Variants in PPP1R13L observed in about 807,000 individuals in gnomAD.
PPP1R13L encodes the protein protein phosphatase 1 regulatory subunit 13 like.
A neutral mutation model predicts 80.9 loss-of-function variants in PPP1R13L; 50 were observed. That is an observed-to-expected ratio of 0.62 (90% CI 0.49 to 0.78). The LOEUF is 0.78. PPP1R13L is among the 30% of genes least tolerant of loss of function. PPP1R13L has a pLI of 0.00. For synonymous variants in PPP1R13L, 602 were observed against 534.3 expected (o/e 1.13, Z -1.75); for missense variants, 1,200 against 1,205.9 (o/e 1.00, Z 0.07).
chr19:45,396,091 G>C lies in PPP1R13L; in HGVS notation c.903+77C>G. ...ACCCAGATCGCAGCCCCGAGGGGGA[G>C]ACTGGCCTTGACCCCGCTCCCCCAC... On this transcript the variant is annotated intron_variant, in intron 6 of 12. Coordinates refer to ENST00000360957, the MANE Select transcript of PPP1R13L (RefSeq NM_006663.4). The surrounding 1 kb of genome is among the most constrained non-coding windows in gnomAD (Gnocchi z 5.3). 6.7e-7 allele frequency: 1 copy of C among 1,482,964 alleles called. No homozygotes were observed. Among genetic ancestry groups the C allele is most frequent in the East Asian group, 2.5e-5 (1 of 40,424 alleles). 91.9% of individuals were successfully genotyped at this position (1,482,964 alleles called of 1,614,324 possible).
In PPP1R13L at chr19:45,386,132, G is replaced by A. The variant is rs1163107289; in HGVS notation, c.1864C>T (p.Arg622Cys). Residue 622 changes from arginine to cysteine, a missense_variant, in exon 9 of 13, where the codon CGC becomes TGC. Arg to Cys is a radical substitution (Grantham distance 180). Transcript: ENST00000360957. ...AGCACCAGAGGGTTGAGGCGCGCGC[G>A]GCGGGCCTTGCGCGGGGAGCCCGCC... ...RKAGSPRKAR[R>C]ARLNPLVLLL... 5 of 1,545,026 alleles carry A rather than the reference G, an allele frequency of 3.2e-6. No individual in the cohort carries two copies. Among genetic ancestry groups the A allele is most frequent in the Non-Finnish European group, 3.5e-6 (4 of 1,157,916 alleles).
chr19:45,391,821 T>C, intron 8 of PPP1R13L, 59 bp downstream of exon 8: 1 of 1,334,598 alleles, frequency 7.5e-7, no homozygotes, highest in Admixed American at 2.7e-5. Flanking sequence ...GGGGGCTCTT[T>C]GCTACAGCTC....
rs1009640877 is a variant in PPP1R13L, at chr19:45,396,851, C to G, written c.406G>C (p.Asp136His). ...YLQPDAYGSL[D>H]RATSPRPRAF... ...CGGGGCCGGGGCGAGGTCGCGCGGT[C>G]CAGGCTGCCGTAGGCGTCCGGCTGC... The change falls in exon 4 of 13, where the codon GAC becomes CAC. Residue 136 changes from aspartate to histidine, a missense_variant. Physicochemically the swap from Asp to His is moderately conservative, Grantham distance 81 (BLOSUM62 -1). Around this residue, in one of 5 missense-constraint regions of PPP1R13L, gnomAD observed 764 missense variants for 714.5 expected, o/e 1.07. Transcript: ENST00000360957. This position sits in a 1 kb window ranked among gnomAD's most constrained non-coding sequence, Gnocchi z 5.3. 2.6e-5 allele frequency: 39 copies of G among 1,524,088 alleles called. No homozygotes were observed. The highest frequency in any genetic ancestry group is 3.4e-5 in the Non-Finnish European group (39 of 1,145,432). 94.4% of individuals were successfully genotyped at this position (1,524,088 alleles called of 1,614,324 possible). A position where few individuals can be genotyped will look rare whatever the true frequency, so the allele number is the denominator to read the frequency against.
At chr19:45,381,745 ACGTG>A (rs960157432) in intron 12 of PPP1R13L, among the ~76,000 whole-genome samples, 7 of 150,044 alleles carry the variant, frequency 4.7e-5, no homozygotes, top group Non-Finnish European at 1.0e-4. Context: ...AGCCTGGCCA[ACGTG>A]ATGAAACCCT....
At chr19:45,383,382 C>G (rs529263597) in intron 11 of PPP1R13L, among the ~76,000 whole-genome samples, 44 of 149,600 alleles carry the variant, frequency 2.9e-4, no homozygotes, top group Admixed American at 2.6e-3. Context: ...GCAACCTCCG[C>G]CTCCGGAGTT....
chr19:45,380,743 C>T (rs751624621), intron 12 of PPP1R13L, among the ~76,000 whole-genome samples: 5 of 151,606 alleles, frequency 3.3e-5, no homozygotes, highest in South Asian at 2.1e-4. Flanking sequence ...CACTTGAATC[C>T]GGGAGGTGGA....
At chr19:45,383,737 G>A (rs1206179313) in intron 11 of PPP1R13L, among the ~76,000 whole-genome samples, 4 of 152,070 alleles carry the variant, frequency 2.6e-5, no homozygotes, top group Admixed American at 2.0e-4. Context: ...CTTTAAGTTG[G>A]CTCATCTGCC....
At chr19:45,389,207 A>G (rs962224893) in intron 8 of PPP1R13L, among the ~76,000 whole-genome samples, 4 of 152,156 alleles carry the variant, frequency 2.6e-5, no homozygotes, top group Non-Finnish European at 4.4e-5. Flanking sequence ...AGCCATTTCA[A>G]CATGTTGTTA....
Position 45,395,420 on chromosome 19 carries a change from C to G in PPP1R13L, c.1354+16G>C. 1 of 1,564,524 alleles carries G rather than the reference C, an allele frequency of 6.4e-7. No individual in the cohort carries two copies. The highest frequency in any genetic ancestry group is 8.6e-7 in the Non-Finnish European group (1 of 1,161,862). On this transcript the variant is annotated intron_variant, in intron 7 of 12. Coordinates refer to ENST00000360957, the MANE Select transcript of PPP1R13L (RefSeq NM_006663.4). ...TCCCTTCACCCAGTCCTCTAGGGCC[C>G]TCATTGCTGACTCACCTTCGTTCAC...
rs747419590 is a variant in PPP1R13L, at chr19:45,396,467, G to C, written c.713-31C>G. 4 of 1,612,978 alleles carry C rather than the reference G, an allele frequency of 2.5e-6. No individual in the cohort carries two copies. Among genetic ancestry groups the C allele is most frequent in the African/African-American group, 2.7e-5 (2 of 74,938 alleles). On this transcript the variant is annotated intron_variant, in intron 4 of 12. Coordinates refer to ENST00000360957, the MANE Select transcript of PPP1R13L (RefSeq NM_006663.4). This position sits in a 1 kb window ranked among gnomAD's most constrained non-coding sequence, Gnocchi z 5.3. ...GAGAAGTTTCCAGGGAGGATGAGAC[G>C]GGAGGGGTGGCGAGCCCCGGATCCT...
At chr19:45,401,219 G>A (rs1973226138) in intron 1 of PPP1R13L, among the ~76,000 whole-genome samples, 2 of 151,744 alleles carry the variant, frequency 1.3e-5, no homozygotes, top group South Asian at 4.2e-4. Context: ...GCTGGGCGTG[G>A]TGGCGGGCGC....
chr19:45,401,396 C>T (rs1444439009), intron 1 of PPP1R13L, among the ~76,000 whole-genome samples: 1 of 150,702 alleles, frequency 6.6e-6, no homozygotes, highest in East Asian at 2.0e-4. Context: ...AGGGGTCTCA[C>T]TTTGTTGCTC....
At position 45,396,975 on chromosome 19, in the gene PPP1R13L, G is replaced by C. The variant is rs1973116865; in HGVS notation, c.282C>G (p.Asp94Glu). 7.2e-7 allele frequency: 1 copy of C among 1,390,276 alleles called. No homozygotes were observed. Among genetic ancestry groups the C allele is most frequent in the South Asian group, 1.7e-5 (1 of 57,222 alleles). 86.1% of individuals were successfully genotyped at this position (1,390,276 alleles called of 1,614,324 possible). ...SPRKAATDGA[D>E]TPFGRSESAP... ...CACTCTCTGATCGTCCGAACGGGGT[G>C]TCTGCGCCGTCGGTGGCCGCCTTCC... is the stretch of plus-strand genomic sequence containing the variant. Residue 94 changes from aspartate (D) to glutamate (E), a missense_variant, in exon 4 of 13, where the codon GAC becomes GAG. Transcript: ENST00000360957. The surrounding 1 kb of genome is among the most constrained non-coding windows in gnomAD (Gnocchi z 5.3).
chr19:45,399,362 C>T (rs1012023607), intron 1 of PPP1R13L, among the ~76,000 whole-genome samples: 5 of 150,960 alleles, frequency 3.3e-5, no homozygotes, highest in South Asian at 2.1e-4. Flanking sequence ...CGGTGGCTCA[C>T]GCCTGTAATT....
intron 7 of PPP1R13L, among the ~76,000 whole-genome samples, chr19:45,393,546 C>T (rs1486847447): frequency 6.6e-6 from 1 of 150,684 alleles, no homozygotes; most frequent in East Asian, 2.0e-4. Flanking sequence ...GAGCTGAAAC[C>T]TCACCACTGC....
At chr19:45,395,966 A>G in intron 6 of PPP1R13L, 80 bp from the exon 7 acceptor site, 1 of 1,369,192 alleles carries the variant, frequency 7.3e-7, no homozygotes, top group Non-Finnish European at 1.0e-6. Flanking sequence ...ACGAGAAGGG[A>G]GAGGAGGTGA....
At position 45,384,781 on chromosome 19, in the gene PPP1R13L, A is replaced by G. The variant is rs547936621; in HGVS notation, c.2248+781T>C. On this transcript the variant is annotated intron_variant, in intron 11 of 12. Transcript: ENST00000360957. ...AGGCAGAGAATTGCTTGAATCCAGG[A>G]GGTGGAGGTTGCAGTGAGCCGAGAT... Among the ~76,000 whole-genome samples the G allele has an allele frequency of 5.3e-5, 8 of 151,918 alleles. No homozygotes were observed. The South Asian group carries it at 1.7e-3, about 32-fold the overall frequency.
chr19:45,397,933 T>C lies in PPP1R13L; in HGVS notation c.198+72A>G, dbSNP rs1973145722. On this transcript the variant is annotated intron_variant, in intron 3 of 12. Transcript: ENST00000360957. ...CATAACTATATGGGGCAATTTTGCC[T>C]GAAATCCAGGCCTCTGGTCTGGACT... 3.3e-6 allele frequency: 5 copies of C among 1,522,322 alleles called. No individual in the cohort carries two copies. The South Asian group carries it at 6.3e-5, about 19-fold the overall frequency. 94.3% of individuals were successfully genotyped at this position (1,522,322 alleles called of 1,614,324 possible). A position where few individuals can be genotyped will look rare whatever the true frequency, so the allele number is the denominator to read the frequency against.
At chr19:45,405,983 C>T (rs1652566342), upstream of PPP1R13L, among the ~76,000 whole-genome samples, 1 of 152,200 alleles carries the variant, frequency 6.6e-6, no homozygotes, top group Admixed American at 6.5e-5. Flanking sequence ...AGACTAAACC[C>T]CCGAGGGCAT....
Sources: allele counts gnomAD v4.1 joint callset (sites outside exome capture counted in the v4.1 genomes callset), GRCh38; gene constraint gnomAD v4.1.1; regional missense constraint gnomAD v4.1.1; non-coding constraint Gnocchi (gnomAD v3.1); transcripts MANE v1.5; gene names NCBI Gene and HGNC (gene_info 2026-07-23, HGNC 2026-07-21).